Variants in KCNH1 observed in about 807,000 individuals in gnomAD.
KCNH1 encodes voltage-gated delayed rectifier potassium channel KCNH1.
Under a neutral mutation model 69.2 loss-of-function variants are expected in KCNH1, and 27 were observed. That is an observed-to-expected ratio of 0.39 (90% CI 0.29 to 0.54). The LOEUF is 0.54. KCNH1 is among the 20% of genes least tolerant of loss of function. The pLI, the probability that KCNH1 is intolerant of heterozygous loss-of-function variation, is 0.68. For synonymous variants in KCNH1, 456 were observed against 487.7 expected (o/e 0.93, Z 0.86); for missense variants, 798 against 1,261.6 (o/e 0.63, Z 5.57).
chr1:210,706,804 T>C (rs1681924317), intron 10 of KCNH1, among the ~76,000 whole-genome samples: 1 of 152,262 alleles, frequency 6.6e-6, no homozygotes, highest in Non-Finnish European at 1.5e-5. Context: ...TATTTTCATT[T>C]TGCAGATGAG....
intron 9 of KCNH1, among the ~76,000 whole-genome samples, chr1:210,778,726 A>G (rs1683913659): frequency 6.6e-6 from 1 of 152,172 alleles, no homozygotes; most frequent in Non-Finnish European, 1.5e-5. Flanking sequence ...TGTAGAATGT[A>G]TAAAACCTGC....
At chr1:211,036,626 C>T (rs539323567) in intron 5 of KCNH1, among the ~76,000 whole-genome samples, 15 of 152,210 alleles carry the variant, frequency 9.9e-5, no homozygotes, top group Admixed American at 4.6e-4. Context: ...TAGAAGCATG[C>T]CCTATGTTAG....
intron 7 of KCNH1, among the ~76,000 whole-genome samples, chr1:210,912,417 G>A (rs930686443): frequency 2.0e-5 from 3 of 152,100 alleles, no homozygotes; most frequent in East Asian, 3.9e-4. Flanking sequence ...AAAAAGCTTT[G>A]TATCTAAGGA....
At chr1:210,996,364 G>T (rs887053763) in intron 6 of KCNH1, among the ~76,000 whole-genome samples, 1 of 152,196 alleles carries the variant, frequency 6.6e-6, no homozygotes, top group Admixed American at 6.5e-5. Flanking sequence ...AGGGTCCTAC[G>T]CCCATGGAGT....
chr1:210,932,258 T>G (rs1687692922), intron 6 of KCNH1, among the ~76,000 whole-genome samples: 1 of 152,184 alleles, frequency 6.6e-6, no homozygotes. Flanking sequence ...AGGGAACTGC[T>G]CTTTCTTATG....
At chr1:211,096,950 G>A (rs1002544446) in intron 3 of KCNH1, among the ~76,000 whole-genome samples, 3 of 152,190 alleles carry the variant, frequency 2.0e-5, no homozygotes, top group Non-Finnish European at 4.4e-5. Flanking sequence ...GTCAGACCCT[G>A]AAACATTGTG....
intron 3 of KCNH1, among the ~76,000 whole-genome samples, chr1:211,099,968 G>T (rs1328040976): frequency 6.6e-6 from 1 of 152,156 alleles, no homozygotes; most frequent in Non-Finnish European, 1.5e-5. Context: ...ATTCCTAACA[G>T]CCCCTCTACC....
intron 10 of KCNH1, among the ~76,000 whole-genome samples, chr1:210,686,169 G>A (rs17188465): frequency 0.048 from 7,355 of 152,138 alleles, 261 homozygotes; most frequent in Middle Eastern, 0.078. Flanking sequence ...CCCTGAAGAG[G>A]GCCAGAGAAA....
At chr1:210,798,643 TAGAG>T (rs200296735) in intron 8 of KCNH1, among the ~76,000 whole-genome samples, 2,619 of 152,256 alleles carry the variant, frequency 0.017, 44 homozygotes, top group Middle Eastern at 0.061. Context: ...AGAGCGATGT[TAGAG>T]AGTGCTGACT....
intron 4 of KCNH1, among the ~76,000 whole-genome samples, chr1:211,085,968 C>A (rs986826340): frequency 6.6e-6 from 1 of 152,178 alleles, no homozygotes; most frequent in African/African-American, 2.4e-5. Flanking sequence ...CCTACCCCAG[C>A]AGACTTACCT....
intron 9 of KCNH1, among the ~76,000 whole-genome samples, chr1:210,784,325 A>G (rs1439853344): frequency 6.6e-6 from 1 of 152,234 alleles, no homozygotes; most frequent in Non-Finnish European, 1.5e-5. Context: ...CAAAAAATAA[A>G]TGCTGCTGGC....
chr1:210,684,625 G>T (rs1681368634), intron 10 of KCNH1, among the ~76,000 whole-genome samples: 2 of 152,090 alleles, frequency 1.3e-5, no homozygotes, highest in Non-Finnish European at 2.9e-5. Flanking sequence ...CACACTTCAG[G>T]GCAAGAAAGT....
chr1:210,960,953 G>T (rs139720302), intron 6 of KCNH1, among the ~76,000 whole-genome samples: 1,743 of 152,204 alleles, frequency 0.011, 61 homozygotes, highest in Admixed American at 0.073. Context: ...GGTACATAGT[G>T]GTTTCTTGTA....
chr1:211,071,651 GATA>G (rs1223787236), intron 5 of KCNH1, among the ~76,000 whole-genome samples: 10 of 152,032 alleles, frequency 6.6e-5, no homozygotes, highest in African/African-American at 1.4e-4. Context: ...TATATTTTAC[GATA>G]ATAATAAAAT....
Position 211,133,965 on chromosome 1 carries a change from C to T in KCNH1, c.-20G>A. ...GGTCATCCTCCCAGCAGCTCGGGGT[C>T]CGGCGGGCGTCCTGGCGCGGCTTCT... On this transcript the variant is annotated 5_prime_UTR_variant, in exon 1 of 11. Coordinates refer to ENST00000271751, the MANE Select transcript of KCNH1 (RefSeq NM_172362.3). The surrounding 1 kb of genome is among the most constrained non-coding windows in gnomAD (Gnocchi z 5.4). 1 of 1,603,552 alleles carries T rather than the reference C, an allele frequency of 6.2e-7. No homozygotes were observed. Among genetic ancestry groups the T allele is most frequent in the South Asian group, 1.1e-5 (1 of 89,998 alleles).
chr1:210,827,902 G>A (rs1240674911), intron 7 of KCNH1, among the ~76,000 whole-genome samples: 2 of 152,104 alleles, frequency 1.3e-5, no homozygotes, highest in African/African-American at 4.8e-5. Context: ...GTGCACTGGC[G>A]TGATCTCGGC....
chr1:210,859,864 G>A, intron 7 of KCNH1: 2 of 1,182,200 alleles, frequency 1.7e-6, no homozygotes, highest in Non-Finnish European at 2.5e-6. Flanking sequence ...ACATTATTAG[G>A]GAAGTGAAGA....
intron 7 of KCNH1, among the ~76,000 whole-genome samples, chr1:210,893,529 G>A (rs1044870965): frequency 2.0e-5 from 3 of 151,594 alleles, no homozygotes; most frequent in African/African-American, 7.3e-5. Context: ...GGTTTGCTGG[G>A]CTCTTGGATT....
At chr1:211,128,269 T>C (rs898953969) in intron 1 of KCNH1, among the ~76,000 whole-genome samples, 1 of 132,700 alleles carries the variant, frequency 7.5e-6, no homozygotes, top group Non-Finnish European at 1.5e-5. Context: ...AGCGACAAAG[T>C]GAGATTCTGT....
Sources: gnomAD v4.1 joint callset for allele counts (sites outside exome capture counted in the v4.1 genomes callset) on GRCh38, gnomAD v4.1.1 for gene constraint, Gnocchi (gnomAD v3.1) non-coding constraint, MANE v1.5 for transcripts, NCBI Gene and HGNC (gene_info 2026-07-23, HGNC 2026-07-21) for gene names.